Variants in TEAD4 observed in about 807,000 individuals in gnomAD.
TEAD4 encodes the protein transcriptional enhancer factor TEF-3.
Under a neutral mutation model 52.4 loss-of-function variants are expected in TEAD4, and 36 were observed. The observed-to-expected ratio is 0.69, with a 90% CI of 0.53 to 0.91. The LOEUF (loss-of-function observed/expected upper bound fraction) is 0.91, where lower values mean the gene tolerates loss of function less well. Among genes scored for constraint, TEAD4 ranks in the 40% least tolerant of loss-of-function variants. The pLI is 0.00. For synonymous variants in TEAD4, 220 were observed against 231.0 expected (o/e 0.95, Z 0.43); for missense variants, 508 against 583.9 (o/e 0.87, Z 1.34).
chr12:3,010,044 C>T (rs2098259042), intron 3 of TEAD4, among the ~76,000 whole-genome samples: 1 of 152,174 alleles, frequency 6.6e-6, no homozygotes, highest in Admixed American at 6.5e-5. Context: ...GGCACCTGCT[C>T]CCTCTGATCC....
chr12:3,030,809 A>G (rs1565551852), intron 10 of TEAD4, among the ~76,000 whole-genome samples: 1 of 152,066 alleles, frequency 6.6e-6, no homozygotes, highest in East Asian at 1.9e-4. Flanking sequence ...TCTAGCAGGG[A>G]GGAGTGCTGG....
At chr12:3,039,041 C>G (rs947881707) in intron 11 of TEAD4, among the ~76,000 whole-genome samples, 1 of 152,222 alleles carries the variant, frequency 6.6e-6, no homozygotes, top group African/African-American at 2.4e-5. Context: ...CCTACTCTCA[C>G]AGTCTGTCAG....
Position 3,011,815 on chromosome 12 carries a change from G to A in TEAD4, c.292-355G>A, listed in dbSNP as rs1434010147. 6.6e-5 allele frequency among the ~76,000 whole-genome samples: 10 copies of A among 151,960 alleles called. No individual in the cohort carries two copies. In the South Asian group the frequency reaches 1.5e-3, roughly 22 times the overall value. On this transcript the variant is annotated intron_variant, in intron 4 of 12. Transcript: ENST00000359864. ...CGAGTAGCTGGAATTACAGGCATGC[G>A]CCACCACACCCAGCTAATTTTTGTA...
chr12:2,964,694 A>C (rs1188550390), intron 2 of TEAD4, among the ~76,000 whole-genome samples: 1 of 149,748 alleles, frequency 6.7e-6, no homozygotes, highest in Non-Finnish European at 1.5e-5. Flanking sequence ...CTGGTCTCGA[A>C]CTCCCAACCT....
chr12:2,970,844 G>C (rs73246948), intron 2 of TEAD4, among the ~76,000 whole-genome samples: 2,631 of 152,308 alleles, frequency 0.017, 73 homozygotes, highest in African/African-American at 0.059. Flanking sequence ...GAAATGCTCC[G>C]TCGTAAATTG....
chr12:3,021,835 T>C lies in TEAD4; in HGVS notation c.724-9T>C. On this transcript the variant is annotated splice_polypyrimidine_tract_variant and intron_variant, in intron 9 of 12. Coordinates refer to ENST00000359864, the MANE Select transcript of TEAD4 (RefSeq NM_003213.4). ...TGCTCCGTCTCCCTCAGACCCACTC[T>C]CTCCACAGTACAACAAGCACCTGTT... is the stretch of plus-strand genomic sequence containing the variant. 6.2e-7 allele frequency: 1 copy of C among 1,613,448 alleles called. No individual in the cohort carries two copies. The highest frequency in any genetic ancestry group is 8.5e-7 in the Non-Finnish European group (1 of 1,179,554).
intron 2 of TEAD4, among the ~76,000 whole-genome samples, chr12:2,967,364 AC>A (rs112998014): frequency 0.077 from 11,698 of 152,266 alleles, 569 homozygotes; most frequent in Admixed American, 0.11. Flanking sequence ...CATAAAAAAT[AC>A]TTAAAACCAT....
intron 5 of TEAD4, 123 bp from the exon 6 acceptor site, chr12:3,017,275 G>A (rs1042504465): frequency 5.1e-5 from 67 of 1,307,452 alleles, no homozygotes; most frequent in Middle Eastern, 3.7e-4. Context: ...CAGACTTAAC[G>A]CCTGGTCCCC....
At chr12:3,003,320 G>A (rs753292619) in intron 3 of TEAD4, among the ~76,000 whole-genome samples, 4 of 152,198 alleles carry the variant, frequency 2.6e-5, no homozygotes, top group Non-Finnish European at 5.9e-5. Flanking sequence ...CGCTGACCTT[G>A]CTGGCCCTCT....
chr12:3,010,610 A>C (rs1412358705), intron 3 of TEAD4, among the ~76,000 whole-genome samples: 2 of 152,208 alleles, frequency 1.3e-5, no homozygotes, highest in Non-Finnish European at 1.5e-5. Flanking sequence ...GGCAAGGCCG[A>C]GGGCCGGGCA....
Position 3,018,576 on chromosome 12 carries a change from G to A in TEAD4, c.515G>A (p.Gly172Glu). ...CAAGGAGCTTTGCCAGGCCAAGCCG[G>A]AACGTCCCATGAGTGAGTATGGCCT... The change falls in exon 7 of 13, where the codon GGA (glycine) becomes GAA (glutamate). Residue 172 changes from glycine (G) to glutamate (E), a missense_variant. Transcript: ENST00000359864. 1 of 1,614,112 alleles carries A rather than the reference G, an allele frequency of 6.2e-7. No homozygotes were observed. The highest frequency in any genetic ancestry group is 8.5e-7 in the Non-Finnish European group (1 of 1,179,982).
At chr12:2,998,962 G>A (rs939011850) in intron 3 of TEAD4, among the ~76,000 whole-genome samples, 5 of 152,128 alleles carry the variant, frequency 3.3e-5, no homozygotes, top group Middle Eastern at 3.2e-3. Context: ...CCAGACACCC[G>A]CTCACCCCGT....
At chr12:2,991,462 G>T (rs1190502312) in intron 2 of TEAD4, among the ~76,000 whole-genome samples, 1 of 152,178 alleles carries the variant, frequency 6.6e-6, no homozygotes, top group Non-Finnish European at 1.5e-5. Flanking sequence ...AGGAATTTGA[G>T]ACCAGCCTGG....
intron 2 of TEAD4, among the ~76,000 whole-genome samples, chr12:2,981,932 G>T (rs2153953866): frequency 6.6e-6 from 1 of 152,222 alleles, no homozygotes; most frequent in African/African-American, 2.4e-5. Flanking sequence ...CCAAAATCAG[G>T]GTGTTTTCTT....
intron 2 of TEAD4, among the ~76,000 whole-genome samples, chr12:2,966,809 C>T (rs967977265): frequency 3.9e-5 from 6 of 152,156 alleles, no homozygotes; most frequent in Non-Finnish European, 5.9e-5. Flanking sequence ...TGGGTTCAAG[C>T]GATTCTCCTG....
At chr12:2,977,499 A>C (rs765670305) in intron 2 of TEAD4, among the ~76,000 whole-genome samples, 2 of 152,162 alleles carry the variant, frequency 1.3e-5, no homozygotes, top group Non-Finnish European at 2.9e-5. Flanking sequence ...GGTGTGATGA[A>C]GGCCTCACAC....
intron 2 of TEAD4, among the ~76,000 whole-genome samples, chr12:2,981,383 C>T (rs925957281): frequency 5.9e-5 from 9 of 152,240 alleles, no homozygotes; most frequent in Non-Finnish European, 1.2e-4. Context: ...GCGTGGAAGA[C>T]AGCAGACAAC....
chr12:3,034,864 C>T (rs1405321946), intron 10 of TEAD4, among the ~76,000 whole-genome samples: 5 of 151,962 alleles, frequency 3.3e-5, no homozygotes, highest in Admixed American at 1.3e-4. Flanking sequence ...GAGGCCGAGG[C>T]AGGTGGATCA....
intron 2 of TEAD4, among the ~76,000 whole-genome samples, chr12:2,975,380 T>C (rs1180437902): frequency 2.0e-5 from 3 of 146,692 alleles, no homozygotes; most frequent in African/African-American, 7.9e-5. Context: ...TTATTATTAT[T>C]ATTATTATTA....
Sources: allele counts gnomAD v4.1 joint callset (sites outside exome capture counted in the v4.1 genomes callset), GRCh38; gene constraint gnomAD v4.1.1; transcripts MANE v1.5; gene names NCBI Gene and HGNC (gene_info 2026-07-23, HGNC 2026-07-21).